The following KIAA0825 variants were observed in gnomAD, a reference collection of about 807,000 sequenced individuals.
KIAA0825 encodes the protein KIAA0825.
In KIAA0825, 119 loss-of-function variants were observed where a neutral mutation model predicts 147.6. The ratio of observed to expected loss-of-function variants is 0.81; its 90% CI spans 0.69 to 0.94. The LOEUF is 0.94. Ranked by LOEUF, KIAA0825 falls within the 40% of genes least tolerant of loss-of-function variation. The pLI is 0.00. For synonymous variants in KIAA0825, 470 were observed against 518.1 expected (o/e 0.91, Z 1.26); for missense variants, 1,381 against 1,472.7 (o/e 0.94, Z 1.02).
chr5:94,273,078 G>T (rs185737645), intron 20 of KIAA0825, among the ~76,000 whole-genome samples: 94 of 152,232 alleles, frequency 6.2e-4, no homozygotes, highest in Non-Finnish European at 1.0e-3. Context: ...TCAAGTTCTG[G>T]TTCTACCATT....
At chr5:94,159,991 G>A (rs1414161756) in intron 20 of KIAA0825, among the ~76,000 whole-genome samples, 1 of 152,140 alleles carries the variant, frequency 6.6e-6, no homozygotes, top group East Asian at 1.9e-4. Context: ...ATATATAGCT[G>A]AGGAGTGAAG....
chr5:94,184,023 A>G (rs952322776), intron 20 of KIAA0825, among the ~76,000 whole-genome samples: 2 of 152,130 alleles, frequency 1.3e-5, no homozygotes, highest in African/African-American at 4.8e-5. Context: ...ATGAGGGGCA[A>G]TCTTGTAGGA....
At chr5:94,498,787 C>A (rs773214687) in intron 5 of KIAA0825, among the ~76,000 whole-genome samples, 5 of 152,176 alleles carry the variant, frequency 3.3e-5, no homozygotes, top group Non-Finnish European at 5.9e-5. Context: ...ACTGTCTGGA[C>A]TGCAAGGGAA....
chr5:94,310,729 G>A (rs1779092775), intron 20 of KIAA0825, among the ~76,000 whole-genome samples: 1 of 151,618 alleles, frequency 6.6e-6, no homozygotes, highest in Admixed American at 6.6e-5. Context: ...TATTGAATAA[G>A]CAGTGCATAT....
chr5:94,539,733 G>A (rs1177942034), intron 2 of KIAA0825, among the ~76,000 whole-genome samples: 1 of 152,006 alleles, frequency 6.6e-6, no homozygotes, highest in Non-Finnish European at 1.5e-5. Context: ...ATAAAAGGCA[G>A]GGATGCTTGG....
intron 20 of KIAA0825, among the ~76,000 whole-genome samples, chr5:94,255,352 C>G (rs761100698): frequency 4.6e-5 from 7 of 151,678 alleles, no homozygotes; most frequent in Non-Finnish European, 8.8e-5. Context: ...ACCCTAGATA[C>G]CAAGCATGAA....
chr5:94,507,962 A>G (rs1765960328), intron 5 of KIAA0825, among the ~76,000 whole-genome samples: 1 of 152,214 alleles, frequency 6.6e-6, no homozygotes, highest in Non-Finnish European at 1.5e-5. Context: ...GATGCCAATA[A>G]CTATTGTAAT....
chr5:94,335,950 G>T (rs1219791179), intron 20 of KIAA0825, among the ~76,000 whole-genome samples: 1 of 152,070 alleles, frequency 6.6e-6, no homozygotes, highest in Non-Finnish European at 1.5e-5. Context: ...GCATTGCATT[G>T]TTCCATAATG....
Position 94,523,937 on chromosome 5 carries a change from T to C in KIAA0825, c.293A>G (p.Lys98Arg), listed in dbSNP as rs758127035. 6.9e-6 allele frequency: 11 copies of C among 1,593,416 alleles called. No individual in the cohort carries two copies. Among genetic ancestry groups the C allele is most frequent in the Non-Finnish European group, 9.4e-6 (11 of 1,167,038 alleles). The change falls in exon 4 of 21, where the codon AAA becomes AGA. Residue 98 changes from lysine (K) to arginine (R), a missense_variant. Lys to Arg is a conservative substitution (Grantham distance 26). Coordinates refer to ENST00000682413, the MANE Select transcript of KIAA0825 (RefSeq NM_001145678.3). ...ISHGDLIKFF[K>R]TLQDLLKNEQ... ...AATAAAAATTCATTTTACCAGTGTT[T>C]TGAAAAATTTTATCAAGTCTCCATG...
intron 20 of KIAA0825, among the ~76,000 whole-genome samples, chr5:94,346,924 A>G (rs1266967904): frequency 6.6e-6 from 1 of 152,130 alleles, no homozygotes; most frequent in African/African-American, 2.4e-5. Flanking sequence ...GCAGGTTTTC[A>G]AGCCTGTATG....
intron 14 of KIAA0825, among the ~76,000 whole-genome samples, chr5:94,426,835 A>G (rs1754949506): frequency 6.6e-6 from 1 of 152,228 alleles, no homozygotes; most frequent in Non-Finnish European, 1.5e-5. Context: ...ATAAATATGT[A>G]AAATATCATG....
chr5:94,495,841 T>C (rs774007386), intron 5 of KIAA0825, among the ~76,000 whole-genome samples: 4 of 152,220 alleles, frequency 2.6e-5, no homozygotes, highest in Non-Finnish European at 4.4e-5. Context: ...ATTCTTTAAT[T>C]GAAAAACACA....
intron 5 of KIAA0825, among the ~76,000 whole-genome samples, chr5:94,501,433 A>T (rs1229528339): frequency 6.6e-6 from 1 of 152,228 alleles, no homozygotes; most frequent in Non-Finnish European, 1.5e-5. Flanking sequence ...TCCTAGAAGA[A>T]AAACAACCTA....
intron 14 of KIAA0825, among the ~76,000 whole-genome samples, chr5:94,430,035 A>G (rs1192255377): frequency 6.6e-6 from 1 of 152,072 alleles, no homozygotes; most frequent in African/African-American, 2.4e-5. Context: ...TGGAGCAGAG[A>G]GGACCCCCTG....
At chr5:94,258,974 A>G (rs1776368816) in intron 20 of KIAA0825, among the ~76,000 whole-genome samples, 1 of 152,022 alleles carries the variant, frequency 6.6e-6, no homozygotes, top group Non-Finnish European at 1.5e-5. Context: ...AGTTCATTCA[A>G]TTATTATTTA....
chr5:94,265,879 A>G (rs982467769), intron 20 of KIAA0825, among the ~76,000 whole-genome samples: 1 of 152,152 alleles, frequency 6.6e-6, no homozygotes, highest in African/African-American at 2.4e-5. Flanking sequence ...GCAAAAACAA[A>G]ATCAATTTTA....
chr5:94,588,793 G>A (rs1783800255), intron 1 of KIAA0825, among the ~76,000 whole-genome samples: 1 of 152,144 alleles, frequency 6.6e-6, no homozygotes, highest in South Asian at 2.1e-4. Context: ...CAACCCATAT[G>A]TCCATCAATA....
intron 1 of KIAA0825, among the ~76,000 whole-genome samples, chr5:94,609,678 C>T (rs1022478127): frequency 6.6e-6 from 1 of 152,038 alleles, no homozygotes; most frequent in African/African-American, 2.4e-5. Context: ...AACATATAAA[C>T]TGAGCCTACG....
intron 1 of KIAA0825, among the ~76,000 whole-genome samples, chr5:94,586,126 A>G (rs1378448315): frequency 6.6e-6 from 1 of 152,246 alleles, no homozygotes; most frequent in Non-Finnish European, 1.5e-5. Context: ...CACAATTAAA[A>G]GAACTAGAGA....
Sources: allele counts gnomAD v4.1 joint callset (sites outside exome capture counted in the v4.1 genomes callset), GRCh38; gene constraint gnomAD v4.1.1; transcripts MANE v1.5; gene names NCBI Gene and HGNC (gene_info 2026-07-23, HGNC 2026-07-21).